The following DACH2 variants were observed in gnomAD, a reference collection of about 807,000 sequenced individuals.
DACH2 encodes the protein dachshund homolog 2.
DACH2 carries 17 observed loss-of-function variants against 35.8 expected under a neutral mutation model. The observed-to-expected ratio is 0.48, with a 90% CI of 0.33 to 0.71. The LOEUF is 0.71. DACH2 is among the 30% of genes least tolerant of loss of function. DACH2 has a pLI of 0.02. For missense variants in DACH2, 469 were observed against 472.7 expected (o/e 0.99, Z 0.07); for synonymous variants, 195 against 177.3 (o/e 1.10, Z -0.79).
intron 1 of DACH2, among the ~76,000 whole-genome samples, chrX:86,175,338 A>G (rs1381826316): frequency 1.8e-5 from 2 of 112,334 alleles, no homozygotes; most frequent in African/African-American, 3.2e-5. Context: ...TGGCAATGAA[A>G]GTCAATGGTA....
chrX:86,192,598 G>A (rs1337542478), intron 1 of DACH2, among the ~76,000 whole-genome samples: 1 of 111,815 alleles, frequency 8.9e-6, no homozygotes, highest in African/African-American at 3.2e-5. Flanking sequence ...GAGATTTGGG[G>A]CATTGTTGCT....
At chrX:86,408,821 G>T (rs2036565161) in intron 2 of DACH2, among the ~76,000 whole-genome samples, 1 of 112,031 alleles carries the variant, frequency 8.9e-6, no homozygotes, top group African/African-American at 3.2e-5. Context: ...TAAAGTTTCA[G>T]AGTACAGGTA....
intron 7 of DACH2, among the ~76,000 whole-genome samples, chrX:86,805,421 G>A: frequency 8.9e-6 from 1 of 112,744 alleles, no homozygotes; most frequent in East Asian, 2.8e-4. Context: ...CTCAAGGCCT[G>A]TGATGGAAGG....
chrX:86,733,895 C>G (rs1449955333), intron 6 of DACH2, among the ~76,000 whole-genome samples: 2 of 109,926 alleles, frequency 1.8e-5, no homozygotes, highest in Non-Finnish European at 3.8e-5. Flanking sequence ...ACAAGAATCA[C>G]TACTTGGGTC....
chrX:86,155,525 G>A (rs993851680), intron 1 of DACH2, among the ~76,000 whole-genome samples: 1 of 110,578 alleles, frequency 9.0e-6, no homozygotes, highest in African/African-American at 3.3e-5. Context: ...CATAACTACC[G>A]TACTTCATTT....
At chrX:86,747,346 G>T (rs1178987983) in intron 7 of DACH2, among the ~76,000 whole-genome samples, 1 of 111,113 alleles carries the variant, frequency 9.0e-6, no homozygotes, top group Non-Finnish European at 1.9e-5. Flanking sequence ...CTTTTATTCA[G>T]GTTCTCTTCA....
intron 7 of DACH2, among the ~76,000 whole-genome samples, chrX:86,743,194 C>G (rs370416720): frequency 9.0e-6 from 1 of 111,049 alleles, no homozygotes; most frequent in East Asian, 2.9e-4. Flanking sequence ...CAAGTTAGCC[C>G]ATCAGGTATT....
At chrX:86,615,943 T>A (rs2039996935) in intron 3 of DACH2, among the ~76,000 whole-genome samples, 1 of 110,672 alleles carries the variant, frequency 9.0e-6, no homozygotes, top group Non-Finnish European at 1.9e-5. Context: ...TACCCTCAAC[T>A]AGGCCACAGT....
chrX:86,339,307 T>A (rs975754361), intron 1 of DACH2, among the ~76,000 whole-genome samples: 1 of 111,967 alleles, frequency 8.9e-6, no homozygotes, highest in Non-Finnish European at 1.9e-5. Context: ...TCTCAAGAGA[T>A]CAGAGCAAGG....
intron 2 of DACH2, among the ~76,000 whole-genome samples, chrX:86,485,114 T>C (rs940394915): frequency 8.0e-5 from 9 of 111,992 alleles, no homozygotes. Flanking sequence ...TTATATAATA[T>C]ACAGATTAGG....
chrX:86,652,653 A>G (rs1260744809), intron 4 of DACH2, among the ~76,000 whole-genome samples: 1 of 111,500 alleles, frequency 9.0e-6, no homozygotes, highest in Non-Finnish European at 1.9e-5. Flanking sequence ...CTGGTGTGAG[A>G]TGGTATCTTA....
intron 2 of DACH2, among the ~76,000 whole-genome samples, chrX:86,406,603 G>C (rs192411534): frequency 5.3e-5 from 6 of 112,308 alleles, no homozygotes; most frequent in Admixed American, 9.5e-5. Context: ...CATGGTTTTA[G>C]TTTATATTGA....
chrX:86,392,133 TG>T (rs999167594), intron 2 of DACH2, among the ~76,000 whole-genome samples: 4 of 111,488 alleles, frequency 3.6e-5, no homozygotes, highest in African/African-American at 1.3e-4. Context: ...ATTTTATATT[TG>T]TTTTCCTATC....
intron 1 of DACH2, among the ~76,000 whole-genome samples, chrX:86,329,617 G>C (rs969412521): frequency 9.0e-6 from 1 of 111,038 alleles, no homozygotes; most frequent in Non-Finnish European, 1.9e-5. Context: ...GTACCAGTGA[G>C]CTTTGGATTT....
chrX:86,368,440 C>T (rs2035837245), intron 1 of DACH2, among the ~76,000 whole-genome samples: 1 of 111,269 alleles, frequency 9.0e-6, no homozygotes, highest in Non-Finnish European at 1.9e-5. Context: ...TAAGAATCTG[C>T]TATGATAAGG....
intron 3 of DACH2, among the ~76,000 whole-genome samples, chrX:86,632,304 T>C (rs2040210684): frequency 9.0e-6 from 1 of 111,450 alleles, no homozygotes; most frequent in Non-Finnish European, 1.9e-5. Flanking sequence ...ACTCTACCAC[T>C]GACTGACTGC....
At chrX:86,561,847 A>G (rs1009418565) in intron 3 of DACH2, among the ~76,000 whole-genome samples, 1 of 74,971 alleles carries the variant, frequency 1.3e-5, no homozygotes, top group Non-Finnish European at 2.5e-5. Context: ...ACATGTATAC[A>G]TATGTAACTA....
intron 1 of DACH2, among the ~76,000 whole-genome samples, chrX:86,326,135 G>A (rs1379781224): frequency 1.8e-5 from 2 of 111,135 alleles, no homozygotes; most frequent in Non-Finnish European, 3.8e-5. Flanking sequence ...CAATGCAAAT[G>A]GCACATCCTA....
chrX:86,395,961 A>T (rs750085344), intron 2 of DACH2, among the ~76,000 whole-genome samples: 8 of 111,722 alleles, frequency 7.2e-5, no homozygotes, highest in African/African-American at 2.3e-4. Context: ...AGGAATCACC[A>T]CACCGACTTC....
Sources: allele counts gnomAD v4.1 joint callset (sites outside exome capture counted in the v4.1 genomes callset), GRCh38; gene constraint gnomAD v4.1.1; transcripts MANE v1.5; gene names NCBI Gene and HGNC (gene_info 2026-07-23, HGNC 2026-07-21).